The following CLSTN2 variants were observed in gnomAD, a reference collection of about 807,000 sequenced individuals.
CLSTN2 encodes the protein calsyntenin-2.
In CLSTN2, 48 loss-of-function variants were observed where a neutral mutation model predicts 101.2. The ratio of observed to expected loss-of-function variants is 0.47; its 90% CI spans 0.38 to 0.60. The LOEUF (loss-of-function observed/expected upper bound fraction) is 0.60. Ranked by LOEUF, CLSTN2 falls within the 20% of genes least tolerant of loss-of-function variation. CLSTN2 has a pLI of 0.00. For missense variants in CLSTN2, 1,160 were observed against 1,238.2 expected, an observed-to-expected ratio of 0.94 and a Z score of 0.95; for synonymous variants, 481 against 463.6, an observed-to-expected ratio of 1.04 and a Z score of -0.48.
intron 6 of CLSTN2, among the ~76,000 whole-genome samples, chr3:140,455,717 A>G (rs1933382382): frequency 6.6e-6 from 1 of 152,224 alleles, no homozygotes; most frequent in South Asian, 2.1e-4. Context: ...CAAGTGATGC[A>G]TTCTGTTTAC....
At chr3:140,042,213 T>C (rs6810121) in intron 1 of CLSTN2, among the ~76,000 whole-genome samples, 1,556 of 152,340 alleles carry the variant, frequency 0.01, 26 homozygotes, top group African/African-American at 0.034. Context: ...GAAATCCCTG[T>C]ACCCATCAGC....
chr3:140,375,989 G>A (rs1055247435), intron 2 of CLSTN2, among the ~76,000 whole-genome samples: 1 of 152,122 alleles, frequency 6.6e-6, no homozygotes, highest in Non-Finnish European at 1.5e-5. Context: ...AAAAAGAAGT[G>A]CAGTTTAGGA....
intron 1 of CLSTN2, among the ~76,000 whole-genome samples, chr3:140,017,142 A>T (rs1273050351): frequency 6.6e-6 from 1 of 151,914 alleles, no homozygotes; most frequent in Non-Finnish European, 1.5e-5. Context: ...CTCGCTGTGG[A>T]TCTTGTTAAA....
chr3:140,320,549 C>T (rs147102991), intron 2 of CLSTN2, among the ~76,000 whole-genome samples: 2 of 150,836 alleles, frequency 1.3e-5, no homozygotes, highest in Non-Finnish European at 2.9e-5. Flanking sequence ...AGGGTGACAC[C>T]GAGCAGGCCT....
chr3:140,329,510 G>T lies in CLSTN2; in HGVS notation c.233-74119G>T, dbSNP rs114910171. Among the ~76,000 whole-genome samples the T allele has an allele frequency of 4.6e-3, 700 of 152,178 alleles. 5 individuals carry two copies. The highest frequency in any genetic ancestry group is 0.015 in the African/African-American group (632 of 41,508). ...TCCCCATGTCTGCTTCCTGTGCTGT[G>T]TACCAGGCATTCACAGAACAAACTC... On this transcript the variant is annotated intron_variant, in intron 2 of 16. Transcript: ENST00000458420.
intron 1 of CLSTN2, among the ~76,000 whole-genome samples, chr3:139,972,270 AAAAAAGTTTGATAGG>A (rs1311448671): frequency 6.6e-6 from 1 of 152,100 alleles, no homozygotes; most frequent in African/African-American, 2.4e-5. Context: ...CCTCAAAAAA[AAAAAAGTTTGATAGG>A]ACCCTGGGGG....
At chr3:140,389,326 C>T (rs185938370) in intron 2 of CLSTN2, among the ~76,000 whole-genome samples, 9 of 152,232 alleles carry the variant, frequency 5.9e-5, no homozygotes, top group Middle Eastern at 3.4e-3. Flanking sequence ...GTGTGTTGTT[C>T]CCCTCCCCAT....
At chr3:140,218,208 G>T (rs2010943140) in intron 2 of CLSTN2, among the ~76,000 whole-genome samples, 1 of 152,184 alleles carries the variant, frequency 6.6e-6, no homozygotes, top group South Asian at 2.1e-4. Flanking sequence ...TGATTAGCTT[G>T]ATTCGCTGAG....
intron 4 of CLSTN2, among the ~76,000 whole-genome samples, chr3:140,415,486 CAAAAAAA>C (rs751616049): frequency 1.4e-4 from 8 of 56,874 alleles, no homozygotes; most frequent in South Asian, 8.4e-4. Flanking sequence ...CACAAAATAG[CAAAAAAA>C]AAAAAAAAAA....
intron 15 of CLSTN2, 64 bp from the exon 16 acceptor site, chr3:140,563,897 C>A: frequency 6.6e-7 from 1 of 1,508,458 alleles, no homozygotes; most frequent in Non-Finnish European, 9.2e-7. Context: ...TTCATTCATG[C>A]TCCCTCACAA....
chr3:140,247,048 T>C (rs951423472), intron 2 of CLSTN2, among the ~76,000 whole-genome samples: 1 of 152,112 alleles, frequency 6.6e-6, no homozygotes, highest in Non-Finnish European at 1.5e-5. Context: ...TCCACCCTGA[T>C]GGGTTTATGA....
chr3:140,482,394 C>G (rs569991119), intron 8 of CLSTN2, among the ~76,000 whole-genome samples: 1 of 152,042 alleles, frequency 6.6e-6, no homozygotes, highest in African/African-American at 2.4e-5. Flanking sequence ...ATCAGGGATA[C>G]TGGTCTAAAA....
At position 140,187,736 on chromosome 3, in the gene CLSTN2, GTGTC is replaced by G. The variant is rs574598149; in HGVS notation, c.232+11668_232+11671del. The stretch of plus-strand genomic sequence containing the variant: ...TCCTGGCTTTCATCTGGTTTCCACT[GTGTC>G]TGTCCACTCACTCCTCCTCTCATGC... On this transcript the variant is annotated intron_variant, in intron 2 of 16. Transcript: ENST00000458420. Among the ~76,000 whole-genome samples, 431 of 152,192 alleles carry G rather than the reference GTGTC, an allele frequency of 2.8e-3. 1 individual carries two copies. Among genetic ancestry groups the G allele is most frequent in the African/African-American group, 1.0e-2 (415 of 41,522 alleles).
At chr3:140,399,460 T>C (rs1226594488) in intron 2 of CLSTN2, among the ~76,000 whole-genome samples, 1 of 152,230 alleles carries the variant, frequency 6.6e-6, no homozygotes, top group Non-Finnish European at 1.5e-5. Flanking sequence ...GTTTTAAATA[T>C]TCTATTTGGT....
chr3:140,487,270 T>C (rs191108226), intron 8 of CLSTN2, among the ~76,000 whole-genome samples: 3 of 152,330 alleles, frequency 2.0e-5, no homozygotes, highest in Non-Finnish European at 4.4e-5. Context: ...AAATTATTGC[T>C]TATATGCACC....
chr3:139,958,541 GGT>G (rs1417938764), intron 1 of CLSTN2, among the ~76,000 whole-genome samples: 1 of 151,988 alleles, frequency 6.6e-6, no homozygotes, highest in Non-Finnish European at 1.5e-5. Context: ...TGTCCAGGGT[GGT>G]ATAATGAACA....
chr3:140,059,914 T>G (rs955642303), intron 1 of CLSTN2, among the ~76,000 whole-genome samples: 9 of 152,196 alleles, frequency 5.9e-5, no homozygotes, highest in Non-Finnish European at 1.5e-5. Context: ...TGCTTAATGA[T>G]GGAGTTAAGA....
At chr3:140,058,190 GC>G (rs1453223145) in intron 1 of CLSTN2, among the ~76,000 whole-genome samples, 2 of 152,196 alleles carry the variant, frequency 1.3e-5, no homozygotes, top group African/African-American at 4.8e-5. Context: ...CAGTATCCCT[GC>G]CCTCAAGGGG....
At chr3:140,315,257 C>T (rs995971905) in intron 2 of CLSTN2, among the ~76,000 whole-genome samples, 3 of 152,146 alleles carry the variant, frequency 2.0e-5, no homozygotes, top group Admixed American at 6.5e-5. Flanking sequence ...TGATGGGAAA[C>T]CCTTGAAACA....
Sources: gnomAD v4.1 joint callset for allele counts (sites outside exome capture counted in the v4.1 genomes callset) on GRCh38, gnomAD v4.1.1 for gene constraint, MANE v1.5 for transcripts, NCBI Gene and HGNC (gene_info 2026-07-23, HGNC 2026-07-21) for gene names.